The following CALHM5 variants were observed in gnomAD, a reference collection of about 807,000 sequenced individuals.
The protein encoded by CALHM5 is calcium homeostasis modulator family member 5.
In CALHM5, 17 loss-of-function variants were observed where a neutral mutation model predicts 20.9. That is an observed-to-expected ratio of 0.82 (90% CI 0.56 to 1.22). The LOEUF (loss-of-function observed/expected upper bound fraction) is 1.22. Among genes scored for constraint, CALHM5 ranks in the 50% most tolerant of loss-of-function variants. The pLI is 0.00. For missense variants in CALHM5, 360 were observed against 364.6 expected (o/e 0.99, Z 0.10); for synonymous variants, 148 against 140.0 (o/e 1.06, Z -0.40).
intron 1 of CALHM5, among the ~76,000 whole-genome samples, chr6:116,513,782 A>G (rs930695520): frequency 6.6e-6 from 1 of 152,218 alleles, no homozygotes; most frequent in African/African-American, 2.4e-5. Context: ...TGGGGCAGAT[A>G]AAAAATCTAG....
At position 116,512,249 on chromosome 6, in the gene CALHM5, A is replaced by C. The variant is rs1772137924; in HGVS notation, c.540+13A>C. On this transcript the variant is annotated intron_variant, in intron 1 of 1. Coordinates refer to ENST00000368599, the MANE Select transcript of CALHM5 (RefSeq NM_153711.5). ...GGCCCAGTCTCAGGTAAGAAAAGAC[A>C]AACTCGCCTTTTTCTCTCAGCATGA... 1.9e-6 allele frequency: 3 copies of C among 1,580,010 alleles called. No homozygotes were observed. Among genetic ancestry groups the C allele is most frequent in the Non-Finnish European group, 2.6e-6 (3 of 1,166,374 alleles).
chr6:116,519,425 C>G lies in CALHM5; in HGVS notation c.*3436C>G, dbSNP rs1244981193. 6.6e-6 allele frequency: 1 copy of G among 152,202 alleles called. No homozygotes were observed. Among genetic ancestry groups the G allele is most frequent in the East Asian group, 1.9e-4 (1 of 5,184 alleles). The allele number at this position is 152,202 out of a possible 1,614,324, so 9.4% of individuals were successfully genotyped here. A position where few individuals can be genotyped will look rare whatever the true frequency, so the allele number is the denominator to read the frequency against. On this transcript the variant is annotated 3_prime_UTR_variant, in exon 2 of 2. Transcript: ENST00000368599. ...AAGAGAGAGCATTCCCCAGAAAACT[C>G]CAGGTGAGGAGTCTCCAGTGGCCCA...
At position 116,522,305 on chromosome 6, in the gene CALHM5, C is replaced by A. The variant is rs988750622; in HGVS notation, c.*6316C>A. On this transcript the variant is annotated 3_prime_UTR_variant, in exon 2 of 2. Transcript: ENST00000368599. ...TGCCATGTCCTATCCAACTCCATGA[C>A]CCCAAAAATCATGAGCTTAAATAAA... is the stretch of plus-strand genomic sequence containing the variant. 2.0e-5 allele frequency: 3 copies of A among 152,192 alleles called. No homozygotes were observed. The highest frequency in any genetic ancestry group is 7.2e-5 in the African/African-American group (3 of 41,442). 9.4% of individuals were successfully genotyped at this position (152,192 alleles called of 1,614,324 possible). A position where few individuals can be genotyped will look rare whatever the true frequency, so the allele number is the denominator to read the frequency against.
In CALHM5 at chr6:116,522,181, T is replaced by C. The variant is rs1381554467; in HGVS notation, c.*6192T>C. ...CAGGAAGTCCAACCAACAGTGAGAA[T>C]AAAAGGCCCCAGATCTATGGCCCTA... On this transcript the variant is annotated 3_prime_UTR_variant, in exon 2 of 2. Transcript: ENST00000368599. 1 of 152,224 alleles carries C rather than the reference T, an allele frequency of 6.6e-6. No homozygotes were observed. The highest frequency in any genetic ancestry group is 1.5e-5 in the Non-Finnish European group (1 of 68,106). 9.4% of individuals were successfully genotyped at this position (152,224 alleles called of 1,614,324 possible). A position where few individuals can be genotyped will look rare whatever the true frequency, so the allele number is the denominator to read the frequency against.
chr6:116,522,082 T>C lies in CALHM5; in HGVS notation c.*6093T>C, dbSNP rs1211954571. The C allele has an allele frequency of 6.6e-6, 1 of 152,200 alleles. No individual in the cohort carries two copies. The highest frequency in any genetic ancestry group is 2.4e-5 in the African/African-American group (1 of 41,436). 9.4% of individuals were successfully genotyped at this position (152,200 alleles called of 1,614,324 possible). ...CTCCAATTGTCTCAGATATTCTAGC[T>C]TAGGGGTCAGGCATGTGAATGAAGG... On this transcript the variant is annotated 3_prime_UTR_variant, in exon 2 of 2. Transcript: ENST00000368599.
chr6:116,520,190 T>C lies in CALHM5; in HGVS notation c.*4201T>C, dbSNP rs921852754. On this transcript the variant is annotated 3_prime_UTR_variant, in exon 2 of 2. Transcript: ENST00000368599. The stretch of plus-strand genomic sequence containing the variant: ...TTTCAAAGCCTGATGATCCACTGAT[T>C]TACTCTAAAAACTGGTTAAAGCAAT... The C allele has an allele frequency of 2.0e-5, 3 of 152,160 alleles. No individual in the cohort carries two copies. Among genetic ancestry groups the C allele is most frequent in the African/African-American group, 7.2e-5 (3 of 41,438 alleles). 9.4% of individuals were successfully genotyped at this position (152,160 alleles called of 1,614,324 possible). A position where few individuals can be genotyped will look rare whatever the true frequency, so the allele number is the denominator to read the frequency against.
chr6:116,512,168 T>C lies in CALHM5; in HGVS notation c.472T>C (p.Cys158Arg), dbSNP rs1772135567. The C allele has an allele frequency of 6.2e-7, 1 of 1,612,420 alleles. No individual in the cohort carries two copies. Among genetic ancestry groups the C allele is most frequent in the African/African-American group, 1.3e-5 (1 of 74,920 alleles). Residue 158 changes from cysteine to arginine, a missense_variant, in exon 1 of 2, where the codon TGT (cysteine) becomes CGT (arginine). By Grantham distance (180) the Cys-to-Arg change is radical (BLOSUM62 -3). Coordinates refer to ENST00000368599, the MANE Select transcript of CALHM5 (RefSeq NM_153711.5). Reference protein sequence around the residue: ...ECWEELHKVSCGKTSMLPTVN... With the variant: ...ECWEELHKVSRGKTSMLPTVN... Reference sequence around the variant, plus strand: ...CTGGGAAGAACTTCACAAAGTATCTTGTGGCAAAACTAGCATGCTACCTAC... The same window carrying C: ...CTGGGAAGAACTTCACAAAGTATCTCGTGGCAAAACTAGCATGCTACCTAC...
At position 116,524,112 on chromosome 6, in the gene CALHM5, A is replaced by G. The variant is rs1357323859; in HGVS notation, c.*8123A>G. On this transcript the variant is annotated 3_prime_UTR_variant, in exon 2 of 2. Transcript: ENST00000368599. ...AAAAGTTCTTCAGTTAGAGATGTAT[A>G]TTTAAATATTTATGTGTGAACTGCC... 6.6e-6 allele frequency: 1 copy of G among 152,170 alleles called. No homozygotes were observed. Among genetic ancestry groups the G allele is most frequent in the Non-Finnish European group, 1.5e-5 (1 of 68,012 alleles). The allele number at this position is 152,170 out of a possible 1,614,324, so 9.4% of individuals were successfully genotyped here. A position where few individuals can be genotyped will look rare whatever the true frequency, so the allele number is the denominator to read the frequency against.
chr6:116,513,306 C>T (rs1211637000), intron 1 of CALHM5, among the ~76,000 whole-genome samples: 1 of 152,142 alleles, frequency 6.6e-6, no homozygotes, highest in African/African-American at 2.4e-5. Context: ...AAAAAATACT[C>T]CAAAACAAAA....
At chr6:116,514,954 T>G (rs1772194134) in intron 1 of CALHM5, among the ~76,000 whole-genome samples, 1 of 152,248 alleles carries the variant, frequency 6.6e-6, no homozygotes, top group African/African-American at 2.4e-5. Flanking sequence ...TTTAAACTTC[T>G]GCTTTTAAGA....
intron 1 of CALHM5, among the ~76,000 whole-genome samples, chr6:116,514,699 C>A (rs1383584412): frequency 6.6e-6 from 1 of 152,168 alleles, no homozygotes; most frequent in African/African-American, 2.4e-5. Flanking sequence ...CACTCTATAT[C>A]TGAGTCAAAG....
At position 116,515,528 on chromosome 6, in the gene CALHM5, T is replaced by G. The variant is rs1455882707; in HGVS notation, c.541-72T>G. The G allele has an allele frequency of 2.0e-6, 3 of 1,464,738 alleles. No individual in the cohort carries two copies. The African/African-American group carries it at 4.3e-5, about 21-fold the overall frequency. The allele number at this position is 1,464,738 out of a possible 1,614,324, so 90.7% of individuals were successfully genotyped here. A position where few individuals can be genotyped will look rare whatever the true frequency, so the allele number is the denominator to read the frequency against. ...CTGTGGTAATAATTTAGCTATACACTTCTCAATAATACCCCAGCTCCCTAA... is the reference window on the plus strand; with the variant it reads ...CTGTGGTAATAATTTAGCTATACACGTCTCAATAATACCCCAGCTCCCTAA... On this transcript the variant is annotated intron_variant, in intron 1 of 1. Coordinates refer to ENST00000368599, the MANE Select transcript of CALHM5 (RefSeq NM_153711.5).
chr6:116,517,579 T>C lies in CALHM5; in HGVS notation c.*1590T>C, dbSNP rs1046802146. 1.3e-5 allele frequency: 2 copies of C among 152,128 alleles called. No individual in the cohort carries two copies. Among genetic ancestry groups the C allele is most frequent in the Non-Finnish European group, 2.9e-5 (2 of 68,008 alleles). The allele number at this position is 152,128 out of a possible 1,614,324, so 9.4% of individuals were successfully genotyped here. ...ATGATGGCAAACTGAATCCTACAAGTATAGGACCCAGAACATATCTATGTT... is the reference window on the plus strand; with the variant it reads ...ATGATGGCAAACTGAATCCTACAAGCATAGGACCCAGAACATATCTATGTT... On this transcript the variant is annotated 3_prime_UTR_variant, in exon 2 of 2. Coordinates refer to ENST00000368599, the MANE Select transcript of CALHM5 (RefSeq NM_153711.5).
intron 1 of CALHM5, among the ~76,000 whole-genome samples, chr6:116,513,180 C>CA (rs1772158973): frequency 6.6e-6 from 1 of 152,132 alleles, no homozygotes; most frequent in Non-Finnish European, 1.5e-5. Context: ...CATTATTTTA[C>CA]TTTTTCGACA....
chr6:116,522,784 A>G lies in CALHM5; in HGVS notation c.*6795A>G, dbSNP rs1364568086. The G allele has an allele frequency of 6.6e-6, 1 of 152,160 alleles. No homozygotes were observed. The highest frequency in any genetic ancestry group is 1.5e-5 in the Non-Finnish European group (1 of 68,032). 9.4% of individuals were successfully genotyped at this position (152,160 alleles called of 1,614,324 possible). On this transcript the variant is annotated 3_prime_UTR_variant, in exon 2 of 2. Transcript: ENST00000368599. ...TCTTCTAGTCGTCTCTCAAAATGTT[A>G]TCTTCAGACTGTCAACATCAGTATC...
chr6:116,516,623 T>C lies in CALHM5; in HGVS notation c.*634T>C, dbSNP rs1430827965. ...TTGTGGGCTTTATGTACTTTTGCCT[T>C]TGCGAACCATTTCCTACATTCAAAA... On this transcript the variant is annotated 3_prime_UTR_variant, in exon 2 of 2. Coordinates refer to ENST00000368599, the MANE Select transcript of CALHM5 (RefSeq NM_153711.5). The C allele has an allele frequency of 6.8e-6, 1 of 147,206 alleles. No homozygotes were observed. The highest frequency in any genetic ancestry group is 2.0e-4 in the East Asian group (1 of 5,088). 9.1% of individuals were successfully genotyped at this position (147,206 alleles called of 1,614,324 possible).
At chr6:116,512,285 T>C in intron 1 of CALHM5, 49 bp downstream of exon 1, 1 of 1,540,080 alleles carries the variant, frequency 6.5e-7, no homozygotes, top group Non-Finnish European at 8.7e-7. Context: ...GCTCGAAGTA[T>C]TCTCTCTGTG....
rs781415380 is a variant in CALHM5 at position 116,522,806 on chromosome 6, T to C, written c.*6817T>C. On this transcript the variant is annotated 3_prime_UTR_variant, in exon 2 of 2. Coordinates refer to ENST00000368599, the MANE Select transcript of CALHM5 (RefSeq NM_153711.5). ...GTTATCTTCAGACTGTCAACATCAG[T>C]ATCACGATGAAGCTTGTTAGAAATG... 1 of 152,152 alleles carries C rather than the reference T, an allele frequency of 6.6e-6. No individual in the cohort carries two copies. Among genetic ancestry groups the C allele is most frequent in the Non-Finnish European group, 1.5e-5 (1 of 68,040 alleles). The allele number at this position is 152,152 out of a possible 1,614,324, so 9.4% of individuals were successfully genotyped here.
rs540959197 is a variant in CALHM5, at chr6:116,520,263, A to G, written c.*4274A>G. 6.6e-6 allele frequency: 1 copy of G among 152,302 alleles called. No individual in the cohort carries two copies. Among genetic ancestry groups the G allele is most frequent in the Non-Finnish European group, 1.5e-5 (1 of 68,010 alleles). 9.4% of individuals were successfully genotyped at this position (152,302 alleles called of 1,614,324 possible). A position where few individuals can be genotyped will look rare whatever the true frequency, so the allele number is the denominator to read the frequency against. On this transcript the variant is annotated 3_prime_UTR_variant, in exon 2 of 2. Coordinates refer to ENST00000368599, the MANE Select transcript of CALHM5 (RefSeq NM_153711.5). Reference sequence around the variant, plus strand: ...AAACTGCTACCGCTTCTCACATGATATATTTCAAGTACTTCAACTATTAAC... The same window carrying G: ...AAACTGCTACCGCTTCTCACATGATGTATTTCAAGTACTTCAACTATTAAC...
Sources: allele counts gnomAD v4.1 joint callset (sites outside exome capture counted in the v4.1 genomes callset), GRCh38; gene constraint gnomAD v4.1.1; transcripts MANE v1.5; gene names NCBI Gene and HGNC (gene_info 2026-07-23, HGNC 2026-07-21).